The following PLEKHD1 variants were observed in gnomAD, a reference collection of about 807,000 sequenced individuals.
The protein encoded by PLEKHD1 is pleckstrin homology and coiled-coil domain containing D1, also known as pleckstrin homology domain-containing family D member 1.
A neutral mutation model predicts 69.2 loss-of-function variants in PLEKHD1; 51 were observed. That is an observed-to-expected ratio of 0.74 (90% CI 0.59 to 0.93). The LOEUF (loss-of-function observed/expected upper bound fraction) is 0.93. PLEKHD1 is among the 40% of genes least tolerant of loss of function. The probability of loss-of-function intolerance (pLI) is 0.00; values close to 1 mark genes in which losing one functional copy is unlikely to be tolerated. For synonymous variants in PLEKHD1, 236 were observed against 244.7 expected (o/e 0.96, Z 0.33); for missense variants, 584 against 641.0 (o/e 0.91, Z 0.96).
Position 69,528,558 on chromosome 14 carries a change from T to C in PLEKHD1, c.*139T>C. On this transcript the variant is annotated 3_prime_UTR_variant, in exon 13 of 13. Coordinates refer to ENST00000322564, the MANE Select transcript of PLEKHD1 (RefSeq NM_001161498.2). ...GTCTCCTCTGGGCCGGAGCTCCACT[T>C]GGGGGCCAGCCTTGCCCTCAAAGGA... is the stretch of plus-strand genomic sequence containing the variant. 1 of 1,193,158 alleles carries C rather than the reference T, an allele frequency of 8.4e-7. No individual in the cohort carries two copies. Among genetic ancestry groups the C allele is most frequent in the East Asian group, 2.6e-5 (1 of 39,024 alleles). 73.9% of individuals were successfully genotyped at this position (1,193,158 alleles called of 1,614,324 possible). A position where few individuals can be genotyped will look rare whatever the true frequency, so the allele number is the denominator to read the frequency against.
At chr14:69,513,221 AAATAAAATAAAATAAAATAAAAT>A (rs1318680928) in intron 6 of PLEKHD1, among the ~76,000 whole-genome samples, 2 of 149,554 alleles carry the variant, frequency 1.3e-5, no homozygotes, top group African/African-American at 2.5e-5. Flanking sequence ...TCCATCTCAA[AAATAAAATAAAATAAAATAAAAT>A]AATAAAATAA....
At chr14:69,487,629 T>C (rs1471670256) in intron 1 of PLEKHD1, among the ~76,000 whole-genome samples, 2 of 152,196 alleles carry the variant, frequency 1.3e-5, no homozygotes, top group Admixed American at 1.3e-4. Flanking sequence ...CCTGCCTGCC[T>C]GGGGTGGGAA....
At chr14:69,474,241 T>C in the PLEKHD1 span, among the ~76,000 whole-genome samples, 19,099 of 152,196 alleles carry the variant, frequency 0.13, 1,325 homozygotes, top group East Asian at 0.18. Flanking sequence ...TCAGAAAGTT[T>C]GGTTCCCTTT....
Position 69,526,683 on chromosome 14 carries a change from T to C in PLEKHD1, c.924-14T>C, listed in dbSNP as rs556835621. On this transcript the variant is annotated splice_polypyrimidine_tract_variant and intron_variant, in intron 9 of 12. Transcript: ENST00000322564. Reference sequence around the variant, plus strand: ...CGAGTGAGCATTGAGAAAGTGCCTCTTCTGTCCCTACAGGATGAAGGAGAA... The same window carrying C: ...CGAGTGAGCATTGAGAAAGTGCCTCCTCTGTCCCTACAGGATGAAGGAGAA... 1.3e-6 allele frequency: 2 copies of C among 1,490,142 alleles called. No homozygotes were observed. The highest frequency in any genetic ancestry group is 2.4e-5 in the Admixed American group (1 of 41,656). 92.3% of individuals were successfully genotyped at this position (1,490,142 alleles called of 1,614,324 possible).
At chr14:69,527,591 C>T (rs756273812) in intron 11 of PLEKHD1, among the ~76,000 whole-genome samples, 192 bp from the exon 12 acceptor site, 22 of 152,238 alleles carry the variant, frequency 1.4e-4, no homozygotes, top group Admixed American at 1.2e-3. Flanking sequence ...TCTCAGCAGA[C>T]GTGCCCTGAG....
At chr14:69,522,166 A>T in intron 6 of PLEKHD1, 117 bp from the exon 7 acceptor site, 1 of 905,962 alleles carries the variant, frequency 1.1e-6, no homozygotes, top group Non-Finnish European at 1.7e-6. Flanking sequence ...GGTCTGGTGC[A>T]GCACATGACC....
chr14:69,505,610 A>G (rs1422520388), intron 6 of PLEKHD1, among the ~76,000 whole-genome samples: 1 of 152,126 alleles, frequency 6.6e-6, no homozygotes, highest in Non-Finnish European at 1.5e-5. Flanking sequence ...TCTGAGCTTC[A>G]ATTTCCCCCC....
At chr14:69,479,080 CAAT>C in the PLEKHD1 span, among the ~76,000 whole-genome samples, 9 of 152,204 alleles carry the variant, frequency 5.9e-5, no homozygotes, top group African/African-American at 1.9e-4. Context: ...GGAGACCTCA[CAAT>C]CATGGTAGAA....
At chr14:69,474,355 A>G in the PLEKHD1 span, among the ~76,000 whole-genome samples, 1 of 152,090 alleles carries the variant, frequency 6.6e-6, no homozygotes, top group Non-Finnish European at 1.5e-5. Flanking sequence ...ATAGGGGGAA[A>G]TGAGGGCTGA....
intron 6 of PLEKHD1, among the ~76,000 whole-genome samples, chr14:69,511,096 A>G (rs115284953): frequency 0.016 from 2,362 of 152,216 alleles, 57 homozygotes; most frequent in African/African-American, 0.053. Context: ...AATAAATTCC[A>G]CTTAGTTGTG....
At chr14:69,469,869 C>A in the PLEKHD1 span, among the ~76,000 whole-genome samples, 1 of 151,802 alleles carries the variant, frequency 6.6e-6, no homozygotes, top group East Asian at 2.0e-4. Context: ...TTACAGGCAC[C>A]CACCTCCATG....
chr14:69,511,226 T>C (rs1883264510), intron 6 of PLEKHD1, among the ~76,000 whole-genome samples: 1 of 152,198 alleles, frequency 6.6e-6, no homozygotes, highest in Non-Finnish European at 1.5e-5. Context: ...TAGTGTGATC[T>C]TGGCTAACTG....
chr14:69,499,401 C>T (rs770892530), intron 1 of PLEKHD1, among the ~76,000 whole-genome samples: 8 of 152,206 alleles, frequency 5.3e-5, no homozygotes, highest in East Asian at 3.9e-4. Context: ...GAGCGCCAAT[C>T]GGACCTTCCC....
chr14:69,526,023 G>A lies in PLEKHD1; in HGVS notation c.824G>A (p.Ser275Asn). The A allele has an allele frequency of 1.3e-6, 2 of 1,551,708 alleles. No homozygotes were observed. The highest frequency in any genetic ancestry group is 1.7e-6 in the Non-Finnish European group (2 of 1,146,994). The change falls in exon 9 of 13, where the codon AGT (serine) becomes AAT (asparagine). Residue 275 changes from serine (S) to asparagine (N), a missense_variant. By Grantham distance (46) the Ser-to-Asn change is conservative. Coordinates refer to ENST00000322564, the MANE Select transcript of PLEKHD1 (RefSeq NM_001161498.2). Reference sequence around the variant, plus strand: ...CACCTGCAGACACTGGCCAATCAGAGTGAGCAGCCCCCTCCCAGTGGGGGC... The same window carrying A: ...CACCTGCAGACACTGGCCAATCAGAATGAGCAGCCCCCTCCCAGTGGGGGC... Reference protein sequence around the residue: ...ENHLQTLANQSEQPPPSGGLH... With the variant: ...ENHLQTLANQNEQPPPSGGLH...
chr14:69,502,859 C>G lies in PLEKHD1; in HGVS notation c.535C>G (p.Leu179Val). 1 of 1,551,646 alleles carries G rather than the reference C, an allele frequency of 6.4e-7. No homozygotes were observed. Among genetic ancestry groups the G allele is most frequent in the Non-Finnish European group, 8.7e-7 (1 of 1,146,964 alleles). Residue 179 changes from leucine (L) to valine (V), a missense_variant, in exon 6 of 13, where the codon CTT becomes GTT. Physicochemically the swap from Leu to Val is conservative, Grantham distance 32 (BLOSUM62 1). Coordinates refer to ENST00000322564, the MANE Select transcript of PLEKHD1 (RefSeq NM_001161498.2). Reference protein sequence around the residue: ...KLMEETEELCLQREQREELER... With the variant: ...KLMEETEELCVQREQREELER... ...GATGGAAGAGACCGAAGAACTCTGC[C>G]TTCAGAGGGAGCAGAGAGAGGTAGG...
At chr14:69,471,297 G>C in the PLEKHD1 span, among the ~76,000 whole-genome samples, 1 of 151,568 alleles carries the variant, frequency 6.6e-6, no homozygotes, top group African/African-American at 2.4e-5. Context: ...TTTTTGTAGA[G>C]ATGGGGTCTC....
chr14:69,512,628 C>T (rs1356023937), intron 6 of PLEKHD1, among the ~76,000 whole-genome samples: 7 of 152,138 alleles, frequency 4.6e-5, no homozygotes, highest in Middle Eastern at 3.4e-3. Context: ...CTTGATATTT[C>T]TTCTTTGACA....
Position 69,522,343 on chromosome 14 carries a change from C to G in PLEKHD1, c.616C>G (p.Gln206Glu). ...AEKQQFEEVVQELRMEQEQIK... is the reference protein window; with the variant it reads ...AEKQQFEEVVEELRMEQEQIK... ...GAAGCAGCAGTTCGAGGAGGTGGTG[C>G]AGGAGCTGAGAATGGAGCAGGAGCA... Residue 206 changes from glutamine to glutamate, a missense_variant, in exon 7 of 13, where the codon CAG (glutamine) becomes GAG (glutamate). Gln to Glu is a conservative substitution (Grantham distance 29). Transcript: ENST00000322564. The G allele has an allele frequency of 6.4e-7, 1 of 1,551,562 alleles. No homozygotes were observed. Among genetic ancestry groups the G allele is most frequent in the Non-Finnish European group, 8.7e-7 (1 of 1,146,936 alleles).
chr14:69,470,608 G>A, the PLEKHD1 span, among the ~76,000 whole-genome samples: 1 of 152,180 alleles, frequency 6.6e-6, no homozygotes, highest in African/African-American at 2.4e-5. Context: ...AGGCAATGTG[G>A]TGTATTTCCT....
Sources: gnomAD v4.1 joint callset for allele counts (sites outside exome capture counted in the v4.1 genomes callset) on GRCh38, gnomAD v4.1.1 for gene constraint, MANE v1.5 for transcripts, NCBI Gene and HGNC (gene_info 2026-07-23, HGNC 2026-07-21) for gene names.